TIAM2: variants seen among roughly 807,000 people sequenced by gnomAD.
The protein encoded by TIAM2 is rho guanine nucleotide exchange factor TIAM2.
TIAM2 carries 80 observed loss-of-function variants against 152.9 expected under a neutral mutation model. The ratio of observed to expected loss-of-function variants is 0.52; its 90% CI spans 0.44 to 0.63. The LOEUF (loss-of-function observed/expected upper bound fraction) is 0.63, where lower values mean the gene tolerates loss of function less well. TIAM2 is among the 30% of genes least tolerant of loss of function. The pLI is 0.00. For synonymous variants in TIAM2, 804 were observed against 838.0 expected, an observed-to-expected ratio of 0.96 and a Z score of 0.70; for missense variants, 1,965 against 2,120.1, an observed-to-expected ratio of 0.93 and a Z score of 1.44.
chr6:155,064,987 C>T (rs1328590552), intron 1 of TIAM2, among the ~76,000 whole-genome samples: 1 of 151,814 alleles, frequency 6.6e-6, no homozygotes, highest in East Asian at 1.9e-4. Context: ...GATAGTCTTG[C>T]TTTTGTCTCC....
At chr6:155,107,619 A>G (rs1278603504) in intron 2 of TIAM2, among the ~76,000 whole-genome samples, 1 of 152,174 alleles carries the variant, frequency 6.6e-6, no homozygotes, top group African/African-American at 2.4e-5. Flanking sequence ...TCAGGGCTTA[A>G]TTTTTAGCTG....
rs2115049271 is a variant in TIAM2 at position 155,137,536 on chromosome 6, G to A, written c.1554G>A (p.Leu518=). The A allele has an allele frequency of 1.2e-6, 2 of 1,613,734 alleles. No homozygotes were observed. The highest frequency in any genetic ancestry group is 8.5e-7 in the Non-Finnish European group (1 of 1,180,016). The change falls in exon 5 of 27, where the codon CTG becomes CTA. Residue 518 remains leucine, a synonymous_variant. Transcript: ENST00000682666. ...RKAGWLFFKP[L]VTVQKERKLE... ...CCGGGTGGCTCTTCTTCAAGCCCCT[G>A]GTCACTGTGCAGAAGGAAAGGAAGC...
intron 26 of TIAM2, chr6:155,256,072 A>G: frequency 4.3e-6 from 1 of 230,092 alleles, no homozygotes; most frequent in Non-Finnish European, 8.5e-6. Flanking sequence ...GGAAATCCAC[A>G]AGGTGAGAAG....
In TIAM2 at chr6:155,127,474, C is replaced by T. The variant is rs532856617; in HGVS notation, c.-117-16C>T. On this transcript the variant is annotated splice_polypyrimidine_tract_variant and intron_variant, in intron 2 of 26. Coordinates refer to ENST00000682666, the MANE Select transcript of TIAM2 (RefSeq NM_012454.4). ...TAAAACGCTTCACAGAGTTTTCTTG[C>T]GTTTCTGTTTTTCAGGCTCACTTCA... 2.3e-5 allele frequency: 10 copies of T among 432,716 alleles called. No individual in the cohort carries two copies. Among genetic ancestry groups the T allele is most frequent in the East Asian group, 7.2e-5 (1 of 13,866 alleles). The allele number at this position is 432,716 out of a possible 1,614,324, so 26.8% of individuals were successfully genotyped here. A position where few individuals can be genotyped will look rare whatever the true frequency, so the allele number is the denominator to read the frequency against.
Position 155,244,734 on chromosome 6 carries a change from T to C in TIAM2, c.3494T>C (p.Ile1165Thr). The C allele has an allele frequency of 1.2e-6, 2 of 1,614,068 alleles. No homozygotes were observed. The highest frequency in any genetic ancestry group is 4.5e-5 in the East Asian group (2 of 44,862). ...KVFLETLEDG[I>T]SASSDFNTLE... is the part of the protein sequence containing the mutation. ...TTTCTGGAGACCCTGGAGGATGGGA[T>C]TTCAGCATCATCTGACTTTAACACC... The change falls in exon 18 of 27, where the codon ATT (isoleucine) becomes ACT (threonine). Residue 1165 changes from isoleucine to threonine, a missense_variant. By Grantham distance (89) the Ile-to-Thr change is moderately conservative. Transcript: ENST00000682666.
chr6:154,998,145 C>T (rs148422341), intron 1 of TIAM2, among the ~76,000 whole-genome samples: 87 of 152,252 alleles, frequency 5.7e-4, no homozygotes, highest in Non-Finnish European at 1.1e-3. Flanking sequence ...GGATTTGTGT[C>T]AACATGTGGT....
intron 1 of TIAM2, among the ~76,000 whole-genome samples, chr6:155,072,143 T>G (rs1777852928): frequency 6.6e-6 from 1 of 152,176 alleles, no homozygotes; most frequent in Non-Finnish European, 1.5e-5. Flanking sequence ...GAAAGGTCAG[T>G]AGAGTTTTGT....
In TIAM2 at chr6:155,254,454, T is replaced by C. The variant is rs1250544205; in HGVS notation, c.4349T>C (p.Ile1450Thr). The C allele has an allele frequency of 6.2e-7, 1 of 1,613,996 alleles. No individual in the cohort carries two copies. Among genetic ancestry groups the C allele is most frequent in the South Asian group, 1.1e-5 (1 of 91,078 alleles). ...SESKTNIVKV[I>T]RSILRENFRR... The stretch of plus-strand genomic sequence containing the variant: ...AGCAAAACCAACATTGTTAAGGTGA[T>C]TCGTTCTATTCTGAGGGAGAACTTC... The change falls in exon 26 of 27, where the codon ATT (isoleucine) becomes ACT (threonine). Residue 1450 changes from isoleucine (I) to threonine (T), a missense_variant. Physicochemically the swap from Ile to Thr is moderately conservative, Grantham distance 89. Coordinates refer to ENST00000682666, the MANE Select transcript of TIAM2 (RefSeq NM_012454.4).
At chr6:155,154,201 A>G (rs1780047616) in intron 7 of TIAM2, among the ~76,000 whole-genome samples, 1 of 152,184 alleles carries the variant, frequency 6.6e-6, no homozygotes, top group South Asian at 2.1e-4. Context: ...ACATTTATTT[A>G]TGTAGCTTCC....
At chr6:155,061,898 G>A (rs1003934771) in intron 1 of TIAM2, among the ~76,000 whole-genome samples, 1 of 152,140 alleles carries the variant, frequency 6.6e-6, no homozygotes, top group African/African-American at 2.4e-5. Flanking sequence ...CAAATGCATG[G>A]AGTCGTATAG....
chr6:155,039,010 G>C (rs1256249319), intron 1 of TIAM2, among the ~76,000 whole-genome samples: 1 of 139,210 alleles, frequency 7.2e-6, no homozygotes, highest in African/African-American at 2.7e-5. Flanking sequence ...ACCCAGGCTA[G>C]AGTGTAGTGG....
At chr6:155,223,505 AG>A (rs1782124023) in intron 15 of TIAM2, among the ~76,000 whole-genome samples, 1 of 144,566 alleles carries the variant, frequency 6.9e-6, no homozygotes, top group Admixed American at 7.3e-5. Flanking sequence ...GATGGTGGTT[AG>A]ACATCCCCAG....
chr6:155,248,827 T>G (rs759574877), intron 20 of TIAM2, among the ~76,000 whole-genome samples: 15 of 152,208 alleles, frequency 9.9e-5, no homozygotes, highest in Non-Finnish European at 1.8e-4. Context: ...ATGTTGAAAC[T>G]AGGAGGTCCA....
At chr6:155,040,108 A>C (rs1180461818) in intron 1 of TIAM2, among the ~76,000 whole-genome samples, 1 of 152,222 alleles carries the variant, frequency 6.6e-6, no homozygotes, top group Non-Finnish European at 1.5e-5. Context: ...CTGAGAAATT[A>C]TATGAAATTT....
chr6:155,215,942 G>A (rs184666648), intron 15 of TIAM2, among the ~76,000 whole-genome samples: 1 of 151,916 alleles, frequency 6.6e-6, no homozygotes, highest in Non-Finnish European at 1.5e-5. Context: ...TAAGTAGCTG[G>A]GACCACAGGT....
At chr6:155,060,852 G>T (rs1777563212) in intron 1 of TIAM2, among the ~76,000 whole-genome samples, 1 of 152,218 alleles carries the variant, frequency 6.6e-6, no homozygotes, top group South Asian at 2.1e-4. Flanking sequence ...CCGAGATCGT[G>T]CCATTGCGCT....
intron 14 of TIAM2, among the ~76,000 whole-genome samples, chr6:155,193,137 G>C (rs915642576): frequency 1.3e-5 from 2 of 152,214 alleles, no homozygotes; most frequent in Non-Finnish European, 2.9e-5. Context: ...AGTCACGGTG[G>C]CTCACACCTG....
intron 9 of TIAM2, among the ~76,000 whole-genome samples, chr6:155,173,673 A>G (rs931013194): frequency 2.0e-5 from 3 of 152,176 alleles, no homozygotes; most frequent in African/African-American, 7.2e-5. Context: ...TGTGGGACGC[A>G]CTGTGTTAAT....
intron 1 of TIAM2, among the ~76,000 whole-genome samples, chr6:155,075,680 A>T (rs1369792993): frequency 1.3e-5 from 2 of 152,196 alleles, no homozygotes; most frequent in Non-Finnish European, 2.9e-5. Context: ...AAATCTAGAC[A>T]TGAAATTTGT....
Sources: gnomAD v4.1 joint callset for allele counts (sites outside exome capture counted in the v4.1 genomes callset) on GRCh38, gnomAD v4.1.1 for gene constraint, MANE v1.5 for transcripts, NCBI Gene and HGNC (gene_info 2026-07-23, HGNC 2026-07-21) for gene names.